The following IPO11 variants were observed in gnomAD, a reference collection of about 807,000 sequenced individuals.
IPO11 encodes the protein importin 11.
A neutral mutation model predicts 143.2 loss-of-function variants in IPO11; 66 were observed. The ratio of observed to expected loss-of-function variants is 0.46; its 90% CI spans 0.38 to 0.57. The LOEUF (loss-of-function observed/expected upper bound fraction) is 0.57. Among genes scored for constraint, IPO11 ranks in the 20% least tolerant of loss-of-function variants. The pLI, the probability that IPO11 is intolerant of heterozygous loss-of-function variation, is 0.00. For synonymous variants in IPO11, 385 were observed against 377.8 expected, an observed-to-expected ratio of 1.02 and a Z score of -0.22; for missense variants, 1,026 against 1,141.0, an observed-to-expected ratio of 0.90 and a Z score of 1.45.
intron 27 of IPO11, among the ~76,000 whole-genome samples, chr5:62,563,702 G>A (rs1375309325): frequency 6.6e-6 from 1 of 152,010 alleles, no homozygotes; most frequent in Non-Finnish European, 1.5e-5. Context: ...ATAATTTTAT[G>A]CAATATTTTA....
intron 1 of IPO11, among the ~76,000 whole-genome samples, chr5:62,433,218 T>C (rs922392466): frequency 2.6e-5 from 4 of 152,038 alleles, no homozygotes; most frequent in Non-Finnish European, 2.9e-5. Context: ...GGTTATTGTA[T>C]GTGTGAAATG....
At chr5:62,552,569 C>G (rs113388061) in intron 26 of IPO11, among the ~76,000 whole-genome samples, 5,135 of 150,956 alleles carry the variant, frequency 0.034, 130 homozygotes, top group South Asian at 0.072. Flanking sequence ...ACCTTGGCCT[C>G]CCAAAGTGCT....
At chr5:62,584,199 C>G (rs1744670732) in intron 27 of IPO11, among the ~76,000 whole-genome samples, 1 of 152,226 alleles carries the variant, frequency 6.6e-6, no homozygotes, top group African/African-American at 2.4e-5. Context: ...AAACTGAGAA[C>G]TTACTCTCAA....
Position 62,580,696 on chromosome 5 carries a change from TCTC to T in IPO11, c.2583-10877_2583-10875del, listed in dbSNP as rs1299482492. ...ATCCAGAGCTTGGGCTGTTGTAAAA[TCTC>T]CTCATATTCATCACAAGACTACTGC... On this transcript the variant is annotated intron_variant, in intron 27 of 29. Coordinates refer to ENST00000325324, the MANE Select transcript of IPO11 (RefSeq NM_016338.5). 2.6e-6 allele frequency: 4 copies of T among 1,551,316 alleles called. No individual in the cohort carries two copies. In the African/African-American group the frequency reaches 4.1e-5, roughly 16 times the overall value.
chr5:62,430,752 A>C (rs920026967), intron 1 of IPO11, among the ~76,000 whole-genome samples: 4 of 144,868 alleles, frequency 2.8e-5, no homozygotes, highest in African/African-American at 1.0e-4. Flanking sequence ...ATCTTGGCTG[A>C]CTGCAACCTC....
chr5:62,435,612 G>A (rs770691084), intron 1 of IPO11, among the ~76,000 whole-genome samples: 2 of 150,724 alleles, frequency 1.3e-5, no homozygotes, highest in African/African-American at 2.4e-5. Flanking sequence ...ATGGTGGCTC[G>A]CGCCTGTAAT....
At chr5:62,510,280 T>C (rs1441701422) in intron 19 of IPO11, among the ~76,000 whole-genome samples, 1 of 152,358 alleles carries the variant, frequency 6.6e-6, no homozygotes, top group Admixed American at 6.5e-5. Context: ...TTCTTTCACC[T>C]CTTTTCATTG....
chr5:62,524,816 T>C (rs552648858), intron 20 of IPO11, among the ~76,000 whole-genome samples: 1 of 152,332 alleles, frequency 6.6e-6, no homozygotes, highest in East Asian at 1.9e-4. Context: ...ACATATATAC[T>C]GTGTGGCATT....
At chr5:62,446,962 G>A (rs1744739400) in intron 3 of IPO11, among the ~76,000 whole-genome samples, 2 of 147,374 alleles carry the variant, frequency 1.4e-5, no homozygotes, top group Admixed American at 1.3e-4. Flanking sequence ...GCGAGACTCT[G>A]ACTGCAAAAA....
chr5:62,444,925 T>C (rs938270374), intron 3 of IPO11, among the ~76,000 whole-genome samples: 1 of 150,922 alleles, frequency 6.6e-6, no homozygotes, highest in Non-Finnish European at 1.5e-5. Context: ...TACATATAAA[T>C]ATATATATAA....
intron 1 of IPO11, among the ~76,000 whole-genome samples, chr5:62,432,397 A>G (rs1272874210): frequency 6.6e-6 from 1 of 152,166 alleles, no homozygotes; most frequent in Non-Finnish European, 1.5e-5. Context: ...TATGAGAAAT[A>G]CTGGCTGGCT....
At chr5:62,558,001 A>G (rs1029500612) in intron 26 of IPO11, among the ~76,000 whole-genome samples, 2 of 152,160 alleles carry the variant, frequency 1.3e-5, no homozygotes, top group Non-Finnish European at 2.9e-5. Flanking sequence ...CTAGAACTTT[A>G]TACCAAGGCT....
At chr5:62,450,832 G>A (rs1333630409) in intron 4 of IPO11, among the ~76,000 whole-genome samples, 3 of 151,804 alleles carry the variant, frequency 2.0e-5, no homozygotes, top group Non-Finnish European at 2.9e-5. Flanking sequence ...TTACTTATAG[G>A]TACAATAATT....
At chr5:62,439,006 T>G (rs1307229758) in intron 2 of IPO11, among the ~76,000 whole-genome samples, 1 of 143,404 alleles carries the variant, frequency 7.0e-6, no homozygotes, top group Admixed American at 7.4e-5. Flanking sequence ...TTGCAGTGAG[T>G]GGAGATTGCA....
intron 8 of IPO11, among the ~76,000 whole-genome samples, chr5:62,475,356 A>G (rs1745920113): frequency 6.6e-6 from 1 of 152,148 alleles, no homozygotes; most frequent in Admixed American, 6.5e-5. Context: ...CCCTGTCTCT[A>G]CAAAAAATAT....
In IPO11 at chr5:62,430,262, C is replaced by T. The variant is rs190431920; in HGVS notation, c.-6-7012C>T. The stretch of plus-strand genomic sequence containing the variant: ...CATTTTAAGGAACTGCCAGACTTTT[C>T]CAAAGTCGCTGTTTTACATTTGCAC... On this transcript the variant is annotated intron_variant, in intron 1 of 29. Transcript: ENST00000325324. 5.3e-3 allele frequency among the ~76,000 whole-genome samples: 806 copies of T among 152,266 alleles called. 2 individuals carry two copies. Among genetic ancestry groups the T allele is most frequent in the Non-Finnish European group, 8.8e-3 (598 of 68,016 alleles).
chr5:62,476,626 A>T, intron 8 of IPO11, 57 bp from the exon 9 acceptor site: 3 of 1,450,228 alleles, frequency 2.1e-6, no homozygotes, highest in South Asian at 2.7e-5. Context: ...AAAAATTTTG[A>T]TGTTGTCTTG....
At chr5:62,585,081 A>G (rs1744720566) in intron 27 of IPO11, among the ~76,000 whole-genome samples, 1 of 152,100 alleles carries the variant, frequency 6.6e-6, no homozygotes, top group South Asian at 2.1e-4. Flanking sequence ...ATGTCTGTGG[A>G]GTTTTCGGTA....
intron 24 of IPO11, among the ~76,000 whole-genome samples, chr5:62,547,049 T>C (rs1743227348): frequency 6.6e-6 from 1 of 152,172 alleles, no homozygotes; most frequent in Non-Finnish European, 1.5e-5. Flanking sequence ...CAAAAGAGAC[T>C]GAAACATTTG....
Sources: gnomAD v4.1 joint callset for allele counts (sites outside exome capture counted in the v4.1 genomes callset) on GRCh38, gnomAD v4.1.1 for gene constraint, MANE v1.5 for transcripts, NCBI Gene and HGNC (gene_info 2026-07-23, HGNC 2026-07-21) for gene names.